NKAIN3: variants seen among roughly 807,000 people sequenced by gnomAD.
NKAIN3 encodes sodium/potassium transporting ATPase interacting 3.
In NKAIN3, 25 loss-of-function variants were observed where a neutral mutation model predicts 30.2. The ratio of observed to expected loss-of-function variants is 0.83; its 90% CI spans 0.60 to 1.16. The LOEUF (loss-of-function observed/expected upper bound fraction) is 1.16. Among genes scored for constraint, NKAIN3 ranks in the 50% most tolerant of loss-of-function variants. The pLI, the probability that NKAIN3 is intolerant of heterozygous loss-of-function variation, is 0.00. For synonymous variants in NKAIN3, 91 were observed against 89.6 expected (o/e 1.02, Z -0.09); for missense variants, 225 against 254.1 (o/e 0.89, Z 0.78).
chr8:62,268,686 T>G lies in NKAIN3; in HGVS notation c.54+19559T>G, dbSNP rs372233298. On this transcript the variant is annotated intron_variant, in intron 1 of 6. Transcript: ENST00000623646. Reference sequence around the variant, plus strand: ...GTCAGTATTATCCCTCTTTTATAGATAGGGAAAAGGAGACATCAGTTAAGT... The same window carrying G: ...GTCAGTATTATCCCTCTTTTATAGAGAGGGAAAAGGAGACATCAGTTAAGT... Among the ~76,000 whole-genome samples, 23 of 152,262 alleles carry G rather than the reference T, an allele frequency of 1.5e-4. 1 individual carries two copies. In the East Asian group the frequency reaches 4.4e-3, roughly 29 times the overall value.
At chr8:62,668,333 A>G (rs1030460532) in intron 3 of NKAIN3, among the ~76,000 whole-genome samples, 8 of 152,228 alleles carry the variant, frequency 5.3e-5, no homozygotes, top group Admixed American at 4.6e-4. Flanking sequence ...TTTGTTGAGA[A>G]ATGGAAAGGA....
chr8:62,289,695 C>T (rs573002472), intron 1 of NKAIN3, among the ~76,000 whole-genome samples: 1 of 152,036 alleles, frequency 6.6e-6, no homozygotes, highest in East Asian at 1.9e-4. Context: ...CAGCTTTGTT[C>T]TTTTGGCTTA....
chr8:62,249,163 C>A lies in NKAIN3; in HGVS notation c.54+36C>A, dbSNP rs1314917624. 7 of 1,503,686 alleles carry A rather than the reference C, an allele frequency of 4.7e-6. No homozygotes were observed. The Admixed American group carries it at 1.4e-4, about 31-fold the overall frequency. The allele number at this position is 1,503,686 out of a possible 1,614,324, so 93.1% of individuals were successfully genotyped here. A position where few individuals can be genotyped will look rare whatever the true frequency, so the allele number is the denominator to read the frequency against. ...CGAGGGCCCCTGCCCCAGGACAGGT[C>A]CCTGCTCCAGGACCGGCCTCTGCGA... On this transcript the variant is annotated intron_variant, in intron 1 of 6. Transcript: ENST00000623646.
intron 1 of NKAIN3, among the ~76,000 whole-genome samples, chr8:62,273,017 C>G (rs965174079): frequency 6.6e-6 from 1 of 152,158 alleles, no homozygotes; most frequent in Non-Finnish European, 1.5e-5. Context: ...CACAACTACT[C>G]AATTCCACAG....
At chr8:62,317,513 C>T (rs2129589116) in intron 1 of NKAIN3, among the ~76,000 whole-genome samples, 1 of 152,302 alleles carries the variant, frequency 6.6e-6, no homozygotes, top group South Asian at 2.1e-4. Flanking sequence ...GTTTTCCCAG[C>T]ACCATTTATT....
intron 1 of NKAIN3, among the ~76,000 whole-genome samples, chr8:62,405,597 A>T (rs1804037832): frequency 6.6e-6 from 1 of 152,196 alleles, no homozygotes; most frequent in Admixed American, 6.5e-5. Flanking sequence ...TGCCCTAAGC[A>T]CATAGATTCT....
rs554380850 is a variant in NKAIN3, at chr8:62,571,407, C to A, written c.55-8132C>A. Among the ~76,000 whole-genome samples, 4 of 152,080 alleles carry A rather than the reference C, an allele frequency of 2.6e-5. No homozygotes were observed. The South Asian group carries it at 8.3e-4, about 32-fold the overall frequency. On this transcript the variant is annotated intron_variant, in intron 1 of 6. Transcript: ENST00000623646. ...ACCTCTGTGGCTTTGCAGGGTACAG[C>A]CTCCCTCCCAGCTGCTTTCGTGGGC...
At chr8:62,857,390 C>T (rs1242792810) in intron 4 of NKAIN3, among the ~76,000 whole-genome samples, 1 of 152,078 alleles carries the variant, frequency 6.6e-6, no homozygotes, top group Non-Finnish European at 1.5e-5. Flanking sequence ...GAATGTTGGC[C>T]TGTGTTGCCA....
At chr8:62,548,242 A>C (rs1458655543) in intron 1 of NKAIN3, among the ~76,000 whole-genome samples, 1 of 152,226 alleles carries the variant, frequency 6.6e-6, no homozygotes, top group East Asian at 1.9e-4. Context: ...GTTGAACTTT[A>C]ATAAATGAAC....
intron 6 of NKAIN3, among the ~76,000 whole-genome samples, chr8:62,965,069 C>T (rs1248721596): frequency 6.6e-6 from 1 of 151,996 alleles, no homozygotes; most frequent in South Asian, 2.1e-4. Context: ...TTATCTTTAC[C>T]CTTAAGAAAA....
chr8:62,440,789 A>G (rs1805301094), intron 1 of NKAIN3, among the ~76,000 whole-genome samples: 1 of 152,010 alleles, frequency 6.6e-6, no homozygotes, highest in African/African-American at 2.4e-5. Flanking sequence ...CAGAAAGATT[A>G]ATGTAGCCAT....
At chr8:62,587,640 T>G (rs1225023793) in intron 2 of NKAIN3, among the ~76,000 whole-genome samples, 10 of 152,000 alleles carry the variant, frequency 6.6e-5, no homozygotes, top group Non-Finnish European at 1.3e-4. Flanking sequence ...AAATCCTAAC[T>G]CTGACACTAA....
At chr8:62,511,653 C>T (rs954702505) in intron 1 of NKAIN3, among the ~76,000 whole-genome samples, 3 of 152,142 alleles carry the variant, frequency 2.0e-5, no homozygotes, top group Non-Finnish European at 4.4e-5. Flanking sequence ...ATTTGTCTCC[C>T]TCTTGCTTTC....
intron 4 of NKAIN3, among the ~76,000 whole-genome samples, chr8:62,878,836 T>G (rs1323394936): frequency 6.6e-6 from 1 of 152,116 alleles, no homozygotes; most frequent in Non-Finnish European, 1.5e-5. Context: ...ACAAAGAACA[T>G]GAACTCATCA....
intron 3 of NKAIN3, among the ~76,000 whole-genome samples, chr8:62,667,352 T>TATGTATATATATAA (rs1284519454): frequency 1.4e-5 from 1 of 72,242 alleles, no homozygotes; most frequent in African/African-American, 8.7e-5. Context: ...ATTCTTTATA[T>TATGTATATATATAA]ATATATCTGT....
intron 1 of NKAIN3, among the ~76,000 whole-genome samples, chr8:62,527,882 G>GGTGTGTGTAT (rs1808356010): frequency 7.0e-6 from 1 of 143,690 alleles, no homozygotes; most frequent in Non-Finnish European, 1.5e-5. Context: ...ACTTTTTTTT[G>GGTGTGTGTAT]GTGTGTGTGT....
At chr8:62,530,507 ACTC>A (rs1015504752) in intron 1 of NKAIN3, among the ~76,000 whole-genome samples, 2 of 151,566 alleles carry the variant, frequency 1.3e-5, no homozygotes, top group Non-Finnish European at 2.9e-5. Flanking sequence ...AACACAGAAA[ACTC>A]CTTGTTTTCC....
At position 62,335,475 on chromosome 8, in the gene NKAIN3, C is replaced by T. The variant is rs144174080; in HGVS notation, c.54+86348C>T. Among the ~76,000 whole-genome samples, 893 of 149,578 alleles carry T rather than the reference C, an allele frequency of 6.0e-3. 14 individuals are homozygous for T. Among genetic ancestry groups the T allele is most frequent in the African/African-American group, 0.021 (856 of 40,874 alleles). On this transcript the variant is annotated intron_variant, in intron 1 of 6. Coordinates refer to ENST00000623646, the MANE Select transcript of NKAIN3 (RefSeq NM_001304533.3). ...AAGAAAGAAAGAAAGAAAAGAAAATCTTATTCCATCAGAGCCCTGCCTTGA... is the reference window on the plus strand; with the variant it reads ...AAGAAAGAAAGAAAGAAAAGAAAATTTTATTCCATCAGAGCCCTGCCTTGA...
At chr8:62,583,910 C>G (rs1810391905) in intron 2 of NKAIN3, among the ~76,000 whole-genome samples, 1 of 151,978 alleles carries the variant, frequency 6.6e-6, no homozygotes, top group Admixed American at 6.6e-5. Context: ...CAAAAATTGC[C>G]TTTTAAAAAA....
Sources: gnomAD v4.1 joint callset for allele counts (sites outside exome capture counted in the v4.1 genomes callset) on GRCh38, gnomAD v4.1.1 for gene constraint, MANE v1.5 for transcripts, NCBI Gene and HGNC (gene_info 2026-07-23, HGNC 2026-07-21) for gene names.